SENP5: variants seen among roughly 807,000 people sequenced by gnomAD.
The protein encoded by SENP5 is sentrin-specific protease 5.
SENP5 carries 21 observed loss-of-function variants against 74.2 expected under a neutral mutation model. The observed-to-expected ratio is 0.28, with a 90% CI of 0.20 to 0.41. The LOEUF (loss-of-function observed/expected upper bound fraction) is 0.41, where lower values mean the gene tolerates loss of function less well. SENP5 is among the 10% of genes least tolerant of loss of function. The pLI is 1.00. For synonymous variants in SENP5, 311 were observed against 312.7 expected (o/e 0.99, Z 0.06); for missense variants, 717 against 889.1 (o/e 0.81, Z 2.46).
At chr3:196,873,132 G>C (rs1713291389) in intron 1 of SENP5, among the ~76,000 whole-genome samples, 1 of 147,948 alleles carries the variant, frequency 6.8e-6, no homozygotes, top group African/African-American at 2.5e-5. Context: ...GGAGTGCAGT[G>C]GCGTGAACTT....
intron 7 of SENP5, among the ~76,000 whole-genome samples, chr3:196,926,436 C>T (rs900440014): frequency 1.3e-5 from 2 of 148,822 alleles, no homozygotes; most frequent in South Asian, 2.1e-4. Context: ...GAGCCGAGAT[C>T]GCACCACTAC....
At chr3:196,868,936 C>T (rs1041517282) in intron 1 of SENP5, among the ~76,000 whole-genome samples, 33 of 148,936 alleles carry the variant, frequency 2.2e-4, no homozygotes, top group Admixed American at 1.1e-3. Flanking sequence ...AAAAGGTTGC[C>T]TAGAGATGCC....
At chr3:196,872,490 A>AT (rs5855557) in intron 1 of SENP5, among the ~76,000 whole-genome samples, 6,141 of 152,210 alleles carry the variant, frequency 0.04, 416 homozygotes, top group African/African-American at 0.14. Context: ...AGTATTCGTT[A>AT]TGTAAACACT....
intron 1 of SENP5, among the ~76,000 whole-genome samples, chr3:196,870,274 C>T (rs1410999955): frequency 1.3e-5 from 2 of 152,012 alleles, no homozygotes; most frequent in African/African-American, 4.8e-5. Flanking sequence ...ATGGTGAAAC[C>T]CTTGTGACTT....
intron 6 of SENP5, among the ~76,000 whole-genome samples, chr3:196,910,952 G>C (rs1043600994): frequency 6.6e-6 from 1 of 151,964 alleles, no homozygotes; most frequent in Non-Finnish European, 1.5e-5. Flanking sequence ...TGACAAACCC[G>C]ACAAAAGCAA....
chr3:196,878,417 A>G (rs1713574336), intron 1 of SENP5, among the ~76,000 whole-genome samples: 1 of 152,146 alleles, frequency 6.6e-6, no homozygotes, highest in African/African-American at 2.4e-5. Flanking sequence ...GTTAAGGATA[A>G]GGTACTGTGC....
intron 6 of SENP5, among the ~76,000 whole-genome samples, chr3:196,916,527 CTTTT>C (rs36159681): frequency 0.2 from 28,121 of 143,316 alleles, 3,283 homozygotes; most frequent in Non-Finnish European, 0.25. Context: ...AAGAGATTGA[CTTTT>C]TTTTTTTTTT....
chr3:196,885,110 T>C (rs1483061548), intron 1 of SENP5, 41 bp from the exon 2 acceptor site: 2 of 1,243,794 alleles, frequency 1.6e-6, no homozygotes, highest in Non-Finnish European at 2.2e-6. Flanking sequence ...TTCATGACCT[T>C]ATTTTTAGAT....
At chr3:196,921,500 T>G (rs1265909138) in intron 6 of SENP5, among the ~76,000 whole-genome samples, 1 of 152,200 alleles carries the variant, frequency 6.6e-6, no homozygotes, top group East Asian at 1.9e-4. Flanking sequence ...TTTTCTAATT[T>G]TTATACAAAA....
At chr3:196,898,841 G>A (rs1488823024) in intron 2 of SENP5, among the ~76,000 whole-genome samples, 3 of 151,810 alleles carry the variant, frequency 2.0e-5, no homozygotes, top group Admixed American at 6.6e-5. Flanking sequence ...CAATTCATTC[G>A]ATGACGATTC....
At position 196,932,823 on chromosome 3, in the gene SENP5, A is replaced by G. The variant is rs1716085934; in HGVS notation, c.*1900A>G. 1 of 133,204 alleles carries G rather than the reference A, an allele frequency of 7.5e-6. No individual in the cohort carries two copies. Among genetic ancestry groups the G allele is most frequent in the Non-Finnish European group, 1.5e-5 (1 of 65,860 alleles). The allele number at this position is 133,204 out of a possible 1,614,324, so 8.3% of individuals were successfully genotyped here. On this transcript the variant is annotated 3_prime_UTR_variant, in exon 10 of 10. Transcript: ENST00000323460. ...CAGTTCAAAATGTCTTGTACTTCAG[A>G]GTGAGGAAGTGTTTCAGTTCCTCAG...
intron 1 of SENP5, among the ~76,000 whole-genome samples, chr3:196,877,015 T>G (rs2108807695): frequency 6.6e-6 from 1 of 152,306 alleles, no homozygotes; most frequent in East Asian, 1.9e-4. Flanking sequence ...TGCTTACTTT[T>G]TAATTAAAAC....
chr3:196,888,731 A>G (rs998670991), intron 2 of SENP5, among the ~76,000 whole-genome samples: 1 of 152,160 alleles, frequency 6.6e-6, no homozygotes, highest in Non-Finnish European at 1.5e-5. Context: ...GACAGATATT[A>G]TTACCATTGG....
chr3:196,895,599 G>A (rs1714410885), intron 2 of SENP5, among the ~76,000 whole-genome samples: 1 of 151,328 alleles, frequency 6.6e-6, no homozygotes, highest in Non-Finnish European at 1.5e-5. Context: ...TTGGCTCACT[G>A]CAGTCTTTGC....
chr3:196,892,089 C>T (rs901978734), intron 2 of SENP5, among the ~76,000 whole-genome samples: 6 of 151,336 alleles, frequency 4.0e-5, no homozygotes, highest in Admixed American at 2.0e-4. Flanking sequence ...CGCGCCCGGC[C>T]GACCTTGACT....
At chr3:196,897,204 C>T (rs1322920406) in intron 2 of SENP5, among the ~76,000 whole-genome samples, 5 of 152,074 alleles carry the variant, frequency 3.3e-5, no homozygotes, top group Admixed American at 1.3e-4. Context: ...TATTTTACAA[C>T]GAAAAATAAT....
At chr3:196,896,226 C>G (rs761925079) in intron 2 of SENP5, among the ~76,000 whole-genome samples, 50 of 152,192 alleles carry the variant, frequency 3.3e-4, no homozygotes, top group Non-Finnish European at 5.6e-4. Flanking sequence ...CTGGATAGTT[C>G]TTGGCCCACA....
chr3:196,903,450 A>C (rs1425629525), intron 5 of SENP5, 83 bp from the exon 6 acceptor site: 2 of 842,394 alleles, frequency 2.4e-6, no homozygotes, highest in Non-Finnish European at 3.7e-6. Flanking sequence ...TTACATTCAA[A>C]CATTTTAAAA....
At chr3:196,869,647 C>T (rs979333827) in intron 1 of SENP5, among the ~76,000 whole-genome samples, 1 of 149,806 alleles carries the variant, frequency 6.7e-6, no homozygotes, top group African/African-American at 2.5e-5. Flanking sequence ...GTAATCCCAG[C>T]TACTCGGAAG....
Sources: gnomAD v4.1 joint callset for allele counts (sites outside exome capture counted in the v4.1 genomes callset) on GRCh38, gnomAD v4.1.1 for gene constraint, MANE v1.5 for transcripts, NCBI Gene and HGNC (gene_info 2026-07-23, HGNC 2026-07-21) for gene names.